Variants in COP1 observed in about 807,000 individuals in gnomAD.
COP1 encodes the protein COP1 E3 ubiquitin ligase.
A neutral mutation model predicts 101.3 loss-of-function variants in COP1; 24 were observed. The ratio of observed to expected loss-of-function variants is 0.24; its 90% CI spans 0.17 to 0.33. COP1 has a LOEUF of 0.33. Among genes scored for constraint, COP1 ranks in the 10% least tolerant of loss-of-function variants. The pLI, the probability that COP1 is intolerant of heterozygous loss-of-function variation, is 1.00. For missense variants in COP1, 663 were observed against 906.2 expected (o/e 0.73, Z 3.45); for synonymous variants, 347 against 341.9 (o/e 1.01, Z -0.17).
chr1:176,148,914 A>C, intron 6 of COP1, 92 bp downstream of exon 6: 1 of 795,270 alleles, frequency 1.3e-6, no homozygotes, highest in Non-Finnish European at 2.0e-6. Context: ...AAAAATATTT[A>C]AAGAAATTTT....
chr1:175,996,395 C>T (rs1400148559), intron 15 of COP1, among the ~76,000 whole-genome samples: 1 of 152,104 alleles, frequency 6.6e-6, no homozygotes, highest in Non-Finnish European at 1.5e-5. Context: ...AAGTTCTGGC[C>T]AGGGCAATTA....
chr1:176,180,755 G>T (rs1697631254), intron 2 of COP1, among the ~76,000 whole-genome samples: 1 of 152,056 alleles, frequency 6.6e-6, no homozygotes, highest in South Asian at 2.1e-4. Flanking sequence ...CTAGAAAAAA[G>T]AATAAACTAT....
At position 176,133,154 on chromosome 1, in the gene COP1, A is replaced by G. The variant is rs144501650; in HGVS notation, c.968+1856T>C. Among the ~76,000 whole-genome samples, 409 of 136,848 alleles carry G rather than the reference A, an allele frequency of 3.0e-3. 11 individuals carry two copies. Among genetic ancestry groups the G allele is most frequent in the Middle Eastern group, 3.8e-3 (1 of 262 alleles). 89.8% of individuals were successfully genotyped at this position (136,848 alleles called of 152,430 possible). On this transcript the variant is annotated intron_variant, in intron 8 of 19. Coordinates refer to ENST00000367669, the MANE Select transcript of COP1 (RefSeq NM_022457.7). ...CCCATACACATACGTATATACGTAC[A>G]TATATATACGTATGTACACACATAC...
intron 11 of COP1, among the ~76,000 whole-genome samples, chr1:176,050,958 G>A (rs939071619): frequency 2.6e-5 from 4 of 151,850 alleles, no homozygotes; most frequent in African/African-American, 9.7e-5. Context: ...ATATACACAG[G>A]CAAAATAAGA....
chr1:176,140,934 T>A (rs904516144), intron 6 of COP1, among the ~76,000 whole-genome samples: 4 of 152,086 alleles, frequency 2.6e-5, no homozygotes, highest in Non-Finnish European at 4.4e-5. Flanking sequence ...AAGAAAACTT[T>A]TAGAAACATT....
At chr1:175,995,191 AAAC>A (rs1243411989) in intron 15 of COP1, among the ~76,000 whole-genome samples, 10 of 152,354 alleles carry the variant, frequency 6.6e-5, no homozygotes, top group Non-Finnish European at 1.0e-4. Flanking sequence ...TGTTCTTTGA[AAAC>A]AACAAGAACA....
Position 176,181,216 on chromosome 1 carries a change from A to G in COP1, c.467+3417T>C, listed in dbSNP as rs796369704. ...AGGAAAGACATTTTCACTTGGGATGAGGGAAAAACAGCTGATGTGGTCCAA... is the reference window on the plus strand; with the variant it reads ...AGGAAAGACATTTTCACTTGGGATGGGGGAAAAACAGCTGATGTGGTCCAA... On this transcript the variant is annotated intron_variant, in intron 2 of 19. Coordinates refer to ENST00000367669, the MANE Select transcript of COP1 (RefSeq NM_022457.7). Among the ~76,000 whole-genome samples, 5 of 152,240 alleles carry G rather than the reference A, an allele frequency of 3.3e-5. 1 individual carries two copies. Among genetic ancestry groups the G allele is most frequent in the African/African-American group, 1.2e-4 (5 of 41,554 alleles).
chr1:176,128,386 G>A (rs891234203), intron 8 of COP1, among the ~76,000 whole-genome samples: 8 of 151,870 alleles, frequency 5.3e-5, no homozygotes, highest in African/African-American at 1.9e-4. Flanking sequence ...CCTGTGTTTT[G>A]TGTTTGTTTT....
At chr1:176,151,403 AAGAAAGAAAGAAAG>A (rs1420186859) in intron 5 of COP1, among the ~76,000 whole-genome samples, 9 of 135,754 alleles carry the variant, frequency 6.6e-5, no homozygotes, top group African/African-American at 2.0e-4. Context: ...GAAAGAAAGA[AAGAAAGAAAGAAAG>A]AAACATATTT....
chr1:176,014,975 T>C (rs897032250), intron 15 of COP1, among the ~76,000 whole-genome samples: 8 of 152,048 alleles, frequency 5.3e-5, no homozygotes, highest in Non-Finnish European at 1.2e-4. Flanking sequence ...ATAAATAAAA[T>C]ATAGATCAAG....
Position 176,037,105 on chromosome 1 carries a change from T to C in COP1, c.1612+6081A>G, listed in dbSNP as rs74943188. 6.7e-3 allele frequency among the ~76,000 whole-genome samples: 1,023 copies of C among 152,104 alleles called. 45 individuals carry two copies. The highest frequency in any genetic ancestry group is 0.048 in the Admixed American group (730 of 15,288). The stretch of plus-strand genomic sequence containing the variant: ...TCACTGACAAATTCTACCAAACATT[T>C]AAGAACAAAAGAATAGGCCAGGCGC... On this transcript the variant is annotated intron_variant, in intron 14 of 19. Transcript: ENST00000367669.
At chr1:175,993,414 G>C (rs1362798447) in intron 15 of COP1, among the ~76,000 whole-genome samples, 4 of 152,220 alleles carry the variant, frequency 2.6e-5, no homozygotes, top group Non-Finnish European at 1.5e-5. Context: ...GACGAGTTGA[G>C]AGAAGAAGGT....
chr1:175,992,371 C>T (rs1186759913), intron 15 of COP1, among the ~76,000 whole-genome samples: 1 of 152,206 alleles, frequency 6.6e-6, no homozygotes, highest in Non-Finnish European at 1.5e-5. Context: ...GTTCATCTCA[C>T]TAGGGAGTGC....
chr1:176,062,126 G>A lies in COP1; in HGVS notation c.1278-15802C>T, dbSNP rs376148872. ...CGTCATTCTCCTGCCTCAGCCTCCC[G>A]AGTAGCTGGGACTACAGGCGCCCGC... On this transcript the variant is annotated intron_variant, in intron 11 of 19. Transcript: ENST00000367669. 1.9e-3 allele frequency among the ~76,000 whole-genome samples: 288 copies of A among 152,014 alleles called. 2 individuals carry two copies. Among genetic ancestry groups the A allele is most frequent in the African/African-American group, 6.7e-3 (276 of 41,472 alleles).
intron 14 of COP1, among the ~76,000 whole-genome samples, chr1:176,037,852 A>G (rs1427206194): frequency 2.6e-5 from 4 of 152,212 alleles, no homozygotes; most frequent in African/African-American, 9.6e-5. Flanking sequence ...GAAAAGCTGC[A>G]AGATTTCCCC....
chr1:175,997,007 G>GGCTACA (rs1173597475), intron 15 of COP1, among the ~76,000 whole-genome samples: 1 of 151,046 alleles, frequency 6.6e-6, no homozygotes, highest in Non-Finnish European at 1.5e-5. Context: ...TATACTACAA[G>GGCTACA]GCTACAGTAA....
intron 1 of COP1, among the ~76,000 whole-genome samples, chr1:176,196,133 A>T (rs982448975): frequency 6.6e-6 from 1 of 152,228 alleles, no homozygotes; most frequent in African/African-American, 2.4e-5. Flanking sequence ...TTAGAAAGGG[A>T]AATTGATAAG....
At chr1:176,035,156 G>C (rs1460290872) in intron 14 of COP1, among the ~76,000 whole-genome samples, 9 of 151,982 alleles carry the variant, frequency 5.9e-5, no homozygotes, top group African/African-American at 9.7e-5. Context: ...AAATGAAACA[G>C]ATTTTAAAGC....
In COP1 at chr1:176,162,959, AT is replaced by A; in HGVS notation, c.671del (p.Asp224ValfsTer22). 1 of 1,605,280 alleles carries A rather than the reference AT, an allele frequency of 6.2e-7. No individual in the cohort carries two copies. The highest frequency in any genetic ancestry group is 8.5e-7 in the Non-Finnish European group (1 of 1,176,088). ...GGTTATCTTGGTCAGTTCCCAACCAATCTTGAAATATCTGCCACCTGTGGCC... is the reference window on the plus strand; with the variant it reads ...GGTTATCTTGGTCAGTTCCCAACCAACTTGAAATATCTGCCACCTGTGGCC... ...TNGHRWQIFQ[D>X]WLGTDQDNLD... On this transcript the variant is annotated frameshift_variant, in exon 5 of 20. Transcript: ENST00000367669. LOFTEE classifies it high-confidence loss of function.
Sources: gnomAD v4.1 joint callset for allele counts (sites outside exome capture counted in the v4.1 genomes callset) on GRCh38, gnomAD v4.1.1 for gene constraint, MANE v1.5 for transcripts, NCBI Gene and HGNC (gene_info 2026-07-23, HGNC 2026-07-21) for gene names.